The following EFL1 variants were observed in gnomAD, a reference collection of about 807,000 sequenced individuals.
EFL1 encodes elongation factor like GTPase 1, also known as elongation factor-like GTPase 1.
In EFL1, 76 loss-of-function variants were observed where a neutral mutation model predicts 126.7. That is an observed-to-expected ratio of 0.60 (90% CI 0.50 to 0.73). The LOEUF is 0.73. EFL1 is among the 30% of genes least tolerant of loss of function. EFL1 has a pLI of 0.00. For missense variants in EFL1, 1,128 were observed against 1,343.2 expected, an observed-to-expected ratio of 0.84 and a Z score of 2.50; for synonymous variants, 410 against 448.4, an observed-to-expected ratio of 0.91 and a Z score of 1.08.
intron 4 of EFL1, among the ~76,000 whole-genome samples, chr15:82,245,326 G>C (rs1295958298): frequency 6.6e-6 from 1 of 151,898 alleles, no homozygotes; most frequent in Non-Finnish European, 1.5e-5. Context: ...TTTTTGTAGA[G>C]ATGGGGTTTC....
Position 82,130,249 on chromosome 15 carries a change from G to T in EFL1, c.*124C>A. On this transcript the variant is annotated 3_prime_UTR_variant, in exon 20 of 20. Coordinates refer to ENST00000268206, the MANE Select transcript of EFL1 (RefSeq NM_024580.6). Reference sequence around the variant, plus strand: ...AACATCCTCTTTAAAATATTTATATGGATCAACTTTATTGAAAGTGAATAA... The same window carrying T: ...AACATCCTCTTTAAAATATTTATATTGATCAACTTTATTGAAAGTGAATAA... The T allele has an allele frequency of 1.9e-6, 2 of 1,048,096 alleles. No homozygotes were observed. Among genetic ancestry groups the T allele is most frequent in the Non-Finnish European group, 2.7e-6 (2 of 741,596 alleles). 64.9% of individuals were successfully genotyped at this position (1,048,096 alleles called of 1,614,324 possible). A position where few individuals can be genotyped will look rare whatever the true frequency, so the allele number is the denominator to read the frequency against.
chr15:82,208,883 C>T (rs2074553892), intron 15 of EFL1, among the ~76,000 whole-genome samples: 1 of 151,922 alleles, frequency 6.6e-6, no homozygotes, highest in Non-Finnish European at 1.5e-5. Context: ...GAAGTATTCC[C>T]ATTAAAGTCT....
intron 15 of EFL1, among the ~76,000 whole-genome samples, chr15:82,180,832 G>C (rs2074244770): frequency 6.6e-6 from 1 of 151,794 alleles, no homozygotes; most frequent in Non-Finnish European, 1.5e-5. Context: ...GGCTCAGGGG[G>C]GCCCTCTCAC....
intron 15 of EFL1, among the ~76,000 whole-genome samples, chr15:82,199,235 G>A (rs2074441413): frequency 6.6e-6 from 1 of 152,060 alleles, no homozygotes; most frequent in Admixed American, 6.5e-5. Context: ...TTTGAAAAAT[G>A]GAACTAGATT....
chr15:82,176,818 T>G (rs951465470), intron 15 of EFL1, among the ~76,000 whole-genome samples: 7 of 152,184 alleles, frequency 4.6e-5, no homozygotes, highest in African/African-American at 1.7e-4. Context: ...AAGACATGTA[T>G]AAGAATATTC....
At chr15:82,168,434 A>G (rs1377498113) in intron 15 of EFL1, among the ~76,000 whole-genome samples, 1 of 152,190 alleles carries the variant, frequency 6.6e-6, no homozygotes, top group Non-Finnish European at 1.5e-5. Context: ...GGCCTTAGGG[A>G]AAAATCTTGC....
In EFL1 at chr15:82,138,797, T is replaced by C. The variant is rs1463480073; in HGVS notation, c.3035A>G (p.Gln1012Arg). 1 of 1,613,838 alleles carries C rather than the reference T, an allele frequency of 6.2e-7. No homozygotes were observed. Among genetic ancestry groups the C allele is most frequent in the African/African-American group, 1.3e-5 (1 of 74,916 alleles). Residue 1012 changes from glutamine (Q) to arginine (R), a missense_variant, in exon 19 of 20, where the codon CAA becomes CGA. Gln to Arg is a conservative substitution (Grantham distance 43, BLOSUM62 1). Coordinates refer to ENST00000268206, the MANE Select transcript of EFL1 (RefSeq NM_024580.6). The part of the protein sequence containing the change: ...VLSKREGRVL[Q>R]EEMKEGTDMF... Reference sequence around the variant, plus strand: ...GTCTGTCCCTTCTTTCATTTCTTCTTGAAGTACCCGACCTTCTCTCTTTGA... The same window carrying C: ...GTCTGTCCCTTCTTTCATTTCTTCTCGAAGTACCCGACCTTCTCTCTTTGA...
intron 19 of EFL1, among the ~76,000 whole-genome samples, chr15:82,132,100 G>A (rs1308564841): frequency 6.6e-6 from 1 of 152,138 alleles, no homozygotes; most frequent in Admixed American, 6.5e-5. Context: ...GGAAATCTGT[G>A]GGCACCTGCA....
chr15:82,157,747 G>A lies in EFL1; in HGVS notation c.1996C>T (p.His666Tyr). ...EHVLVTAGEV[H>Y]LQRCLDDLKE... ...AAGTCATCCAGGCATCGCTGAAGGTGGACTTCTCCTGCTGTGACTAAAACG... is the reference window on the plus strand; with the variant it reads ...AAGTCATCCAGGCATCGCTGAAGGTAGACTTCTCCTGCTGTGACTAAAACG... Residue 666 changes from histidine (H) to tyrosine (Y), a missense_variant, in exon 17 of 20, where the codon CAC becomes TAC. By Grantham distance (83) the His-to-Tyr change is moderately conservative. Transcript: ENST00000268206. 6.2e-7 allele frequency: 1 copy of A among 1,613,344 alleles called. No homozygotes were observed. Among genetic ancestry groups the A allele is most frequent in the Non-Finnish European group, 8.5e-7 (1 of 1,179,540 alleles).
intron 15 of EFL1, among the ~76,000 whole-genome samples, chr15:82,207,172 A>T (rs962477744): frequency 1.3e-5 from 2 of 151,974 alleles, no homozygotes; most frequent in African/African-American, 4.8e-5. Flanking sequence ...AAATCTCATT[A>T]TCTACCCACA....
At chr15:82,152,555 TCTGC>T in intron 17 of EFL1, 132 bp from the exon 18 acceptor site, 5 of 819,724 alleles carry the variant, frequency 6.1e-6, no homozygotes, top group Non-Finnish European at 9.1e-6. Flanking sequence ...CTATGAAAGA[TCTGC>T]AATTTACATT....
intron 15 of EFL1, among the ~76,000 whole-genome samples, chr15:82,200,573 A>G (rs1181401141): frequency 7.7e-6 from 1 of 130,024 alleles, no homozygotes; most frequent in Non-Finnish European, 1.6e-5. Flanking sequence ...TTAACATCAA[A>G]TGGCCTCACC....
chr15:82,185,167 G>GGC (rs1333435768), intron 15 of EFL1, among the ~76,000 whole-genome samples: 1 of 131,620 alleles, frequency 7.6e-6, no homozygotes. Context: ...TTTCATGTGT[G>GGC]GCTGTGTGTG....
chr15:82,199,024 T>C (rs1347985964), intron 15 of EFL1, among the ~76,000 whole-genome samples: 3 of 152,082 alleles, frequency 2.0e-5, no homozygotes, highest in Non-Finnish European at 4.4e-5. Context: ...AATAGTTCAC[T>C]GCATTAAAAA....
At position 82,138,784 on chromosome 15, in the gene EFL1, T is replaced by G. The variant is rs919788448; in HGVS notation, c.3048A>C (p.Lys1016Asn). Residue 1016 changes from lysine (K) to asparagine (N), a missense_variant, in exon 19 of 20, where the codon AAA (lysine) becomes AAC (asparagine). By Grantham distance (94) the Lys-to-Asn change is moderately conservative. Around this residue, in one of 6 missense-constraint regions of EFL1, gnomAD observed 561 missense variants for 641.7 expected, o/e 0.87. Coordinates refer to ENST00000268206, the MANE Select transcript of EFL1 (RefSeq NM_024580.6). The stretch of plus-strand genomic sequence containing the variant: ...TGATGATGAACATGTCTGTCCCTTC[T>G]TTCATTTCTTCTTGAAGTACCCGAC... ...REGRVLQEEM[K>N]EGTDMFIIKA... The G allele has an allele frequency of 6.2e-7, 1 of 1,613,868 alleles. No homozygotes were observed. The highest frequency in any genetic ancestry group is 8.5e-7 in the Non-Finnish European group (1 of 1,179,904).
intron 15 of EFL1, among the ~76,000 whole-genome samples, chr15:82,202,690 A>G (rs1033648125): frequency 4.6e-5 from 7 of 152,154 alleles, no homozygotes; most frequent in Non-Finnish European, 8.8e-5. Context: ...GCTGAACTAG[A>G]ATTTTAACCC....
chr15:82,211,414 T>C (rs2074583594), intron 15 of EFL1, among the ~76,000 whole-genome samples: 1 of 151,360 alleles, frequency 6.6e-6, no homozygotes, highest in Non-Finnish European at 1.5e-5. Flanking sequence ...TAGTCTCAGC[T>C]ACTCAGGAGG....
At position 82,252,814 on chromosome 15, in the gene EFL1, A is replaced by C. The variant is rs569330230; in HGVS notation, c.160-39T>G. The stretch of plus-strand genomic sequence containing the variant: ...ACATATGCATCTTCACTTCCCAAAG[A>C]ATTAAAATGTAACATTAAAATTTGC... On this transcript the variant is annotated intron_variant, in intron 3 of 19. Coordinates refer to ENST00000268206, the MANE Select transcript of EFL1 (RefSeq NM_024580.6). 2.1e-5 allele frequency: 23 copies of C among 1,104,166 alleles called. No homozygotes were observed. In the South Asian group the frequency reaches 3.2e-4, roughly 15 times the overall value. 68.4% of individuals were successfully genotyped at this position (1,104,166 alleles called of 1,614,324 possible). A position where few individuals can be genotyped will look rare whatever the true frequency, so the allele number is the denominator to read the frequency against.
At chr15:82,149,435 A>G (rs539825859) in intron 18 of EFL1, among the ~76,000 whole-genome samples, 3 of 152,198 alleles carry the variant, frequency 2.0e-5, no homozygotes, top group African/African-American at 4.8e-5. Context: ...TTGACTTCTC[A>G]TATGAATTAA....
Sources: allele counts gnomAD v4.1 joint callset (sites outside exome capture counted in the v4.1 genomes callset), GRCh38; gene constraint gnomAD v4.1.1; regional missense constraint gnomAD v4.1.1; transcripts MANE v1.5; gene names NCBI Gene and HGNC (gene_info 2026-07-23, HGNC 2026-07-21).